SMAD4: variants seen among roughly 807,000 people sequenced by gnomAD.
SMAD4 encodes the protein SMAD family member 4.
In SMAD4, 7 loss-of-function variants were observed where a neutral mutation model predicts 63.2. The observed-to-expected ratio is 0.11, with a 90% CI of 0.06 to 0.21. The LOEUF is 0.21. Among genes scored for constraint, SMAD4 ranks in the 10% least tolerant of loss-of-function variants. The probability of loss-of-function intolerance (pLI) is 1.00; values close to 1 mark genes in which losing one functional copy is unlikely to be tolerated. For missense variants in SMAD4, 312 were observed against 693.8 expected (o/e 0.45, Z 6.18); for synonymous variants, 215 against 235.4 (o/e 0.91, Z 0.79).
At chr18:51,062,793 C>T (rs918128000) in intron 8 of SMAD4, among the ~76,000 whole-genome samples, 1 of 151,236 alleles carries the variant, frequency 6.6e-6, no homozygotes, top group Non-Finnish European at 1.5e-5. Context: ...GCCACCATGC[C>T]TGGCCCTTTT....
intron 1 of SMAD4, among the ~76,000 whole-genome samples, chr18:51,031,858 C>A (rs1909061377): frequency 6.6e-6 from 1 of 151,888 alleles, no homozygotes; most frequent in Admixed American, 6.6e-5. Flanking sequence ...ATATATATTT[C>A]AGTTGAAATC....
At chr18:51,051,486 G>C (rs1463421719) in intron 4 of SMAD4, 1 of 438,364 alleles carries the variant, frequency 2.3e-6, no homozygotes, top group African/African-American at 2.0e-5. Context: ...ATCATTTCCA[G>C]CCTATCTTTT....
chr18:51,068,961 T>C (rs1203571146), intron 10 of SMAD4, among the ~76,000 whole-genome samples: 1 of 152,160 alleles, frequency 6.6e-6, no homozygotes, highest in African/African-American at 2.4e-5. Context: ...GACTATGATC[T>C]CATTTTTGTT....
chr18:51,066,221 G>C (rs775266157), intron 9 of SMAD4, among the ~76,000 whole-genome samples: 1 of 151,820 alleles, frequency 6.6e-6, no homozygotes, highest in African/African-American at 2.4e-5. Flanking sequence ...GTGTCCACCT[G>C]TAATCCCAGC....
chr18:51,056,617 C>A (rs1909851761), intron 5 of SMAD4, among the ~76,000 whole-genome samples: 1 of 91,714 alleles, frequency 1.1e-5, no homozygotes, highest in Non-Finnish European at 2.0e-5. Context: ...GAGACTCCAT[C>A]TCCAAAAAAA....
chr18:51,076,891 G>T, intron 11 of SMAD4, 115 bp downstream of exon 11: 1 of 749,516 alleles, frequency 1.3e-6, no homozygotes, highest in South Asian at 2.2e-5. Flanking sequence ...TTTTTTACTG[G>T]GATGATGACA....
At chr18:51,069,537 A>C (rs556144544) in intron 10 of SMAD4, among the ~76,000 whole-genome samples, 7 of 152,108 alleles carry the variant, frequency 4.6e-5, no homozygotes, top group Non-Finnish European at 8.8e-5. Flanking sequence ...TCTTCCTGTC[A>C]TTGCTTCACC....
At chr18:51,065,642 A>G (rs778294025) in intron 9 of SMAD4, 36 bp downstream of exon 9, 9 of 1,555,924 alleles carry the variant, frequency 5.8e-6, no homozygotes, top group Admixed American at 1.7e-5. Context: ...ACTTTAAAAA[A>G]TTGAGCATAG....
intron 1 of SMAD4, among the ~76,000 whole-genome samples, chr18:51,041,792 G>A (rs1206078737): frequency 6.6e-6 from 1 of 152,216 alleles, no homozygotes; most frequent in African/African-American, 2.4e-5. Context: ...GTTGATCTGT[G>A]ATGAATGTGT....
At chr18:51,066,688 CAT>C (rs1251106343) in intron 9 of SMAD4, 6 of 254,492 alleles carry the variant, frequency 2.4e-5, no homozygotes, top group Admixed American at 2.0e-4. Context: ...TAAATAGTCA[CAT>C]GTGGCTAGTG....
chr18:51,045,634 T>C (rs1160361319), intron 1 of SMAD4, among the ~76,000 whole-genome samples: 1 of 152,200 alleles, frequency 6.6e-6, no homozygotes, highest in Non-Finnish European at 1.5e-5. Context: ...AACAGCTGTA[T>C]TGAGATATAA....
rs1910682670 is a variant in SMAD4 at position 51,084,012 on chromosome 18, G to GCACACACACACACACGCA, written c.*5560_*5561insGCACACACACACACACAC. On this transcript the variant is annotated 3_prime_UTR_variant, in exon 12 of 12. Coordinates refer to ENST00000342988, the MANE Select transcript of SMAD4 (RefSeq NM_005359.6). ...TTAACGCGCGTGCGCACGCGCGCGC[G>GCACACACACACACACGCA]CACACACACACACACACACACACAC... 6.6e-6 allele frequency: 1 copy of GCACACACACACACACGCA among 152,640 alleles called. No individual in the cohort carries two copies. Among genetic ancestry groups the GCACACACACACACACGCA allele is most frequent in the African/African-American group, 2.9e-5 (1 of 34,824 alleles). 9.5% of individuals were successfully genotyped at this position (152,640 alleles called of 1,614,324 possible).
At chr18:51,067,853 A>T (rs1258959422) in intron 10 of SMAD4, among the ~76,000 whole-genome samples, 1 of 152,226 alleles carries the variant, frequency 6.6e-6, no homozygotes, top group Non-Finnish European at 1.5e-5. Flanking sequence ...TATGGAAGAG[A>T]ATTCTAAAAT....
At position 51,081,560 on chromosome 18, in the gene SMAD4, A is replaced by T. The variant is rs1415126644; in HGVS notation, c.*3093A>T. ...ATACCATTCCTCCTGTGAACAGTGC[A>T]GATTTACAGGTTGCATGGTCTGGCT... On this transcript the variant is annotated 3_prime_UTR_variant, in exon 12 of 12. Transcript: ENST00000342988. The T allele has an allele frequency of 4.3e-6, 1 of 232,272 alleles. No individual in the cohort carries two copies. Among genetic ancestry groups the T allele is most frequent in the Non-Finnish European group, 8.5e-6 (1 of 117,520 alleles). The allele number at this position is 232,272 out of a possible 1,614,324, so 14.4% of individuals were successfully genotyped here. A position where few individuals can be genotyped will look rare whatever the true frequency, so the allele number is the denominator to read the frequency against.
At chr18:51,045,386 A>G (rs1351337023) in intron 1 of SMAD4, among the ~76,000 whole-genome samples, 1 of 152,228 alleles carries the variant, frequency 6.6e-6, no homozygotes, top group Non-Finnish European at 1.5e-5. Context: ...GTGAACAAAT[A>G]AAATACAAAC....
chr18:51,047,112 T>C lies in SMAD4; in HGVS notation c.66T>C (p.Ser22=). 1 of 1,613,896 alleles carries C rather than the reference T, an allele frequency of 6.2e-7. No homozygotes were observed. Among genetic ancestry groups the C allele is most frequent in the Non-Finnish European group, 8.5e-7 (1 of 1,179,856 alleles). The change falls in exon 2 of 12, where the codon AGT becomes AGC. Residue 22 remains serine (S), a synonymous_variant. Transcript: ENST00000342988. ...SNDACLSIVH[S]LMCHRQGGES... is the part of the protein sequence containing the mutation. ...ATGCCTGTCTGAGCATTGTGCATAG[T>C]TTGATGTGCCATAGACAAGGTGGAG...
In SMAD4 at chr18:51,059,930, A is replaced by G. The variant is rs1322236124; in HGVS notation, c.955+14A>G. The G allele has an allele frequency of 1.3e-6, 2 of 1,596,602 alleles. No individual in the cohort carries two copies. The highest frequency in any genetic ancestry group is 2.2e-5 in the South Asian group (2 of 90,780). ...CCAATCATCCTGGTAAGTGTATTTC[A>G]AAATTGATTTCCTGTATTTAGATTG... On this transcript the variant is annotated intron_variant, in intron 8 of 11. Coordinates refer to ENST00000342988, the MANE Select transcript of SMAD4 (RefSeq NM_005359.6).
intron 1 of SMAD4, among the ~76,000 whole-genome samples, chr18:51,031,679 ACTCGGGTG>A (rs1909054496): frequency 6.6e-6 from 1 of 151,884 alleles, no homozygotes; most frequent in Non-Finnish European, 1.5e-5. Flanking sequence ...CAGCTTGGTT[ACTCGGGTG>A]TTTTAAGAAG....
chr18:51,049,153 A>G, intron 3 of SMAD4, 142 bp from the exon 4 acceptor site: 2 of 684,214 alleles, frequency 2.9e-6, no homozygotes, highest in Non-Finnish European at 5.1e-6. Flanking sequence ...ATTGTTAGAT[A>G]GCGTTTATGC....
Sources: allele counts gnomAD v4.1 joint callset (sites outside exome capture counted in the v4.1 genomes callset), GRCh38; gene constraint gnomAD v4.1.1; transcripts MANE v1.5; gene names NCBI Gene and HGNC (gene_info 2026-07-23, HGNC 2026-07-21).